MRTFA: variants seen among roughly 807,000 people sequenced by gnomAD.
MRTFA encodes myocardin related transcription factor A, also known as myocardin-related transcription factor A.
MRTFA carries 20 observed loss-of-function variants against 83.5 expected under a neutral mutation model. The observed-to-expected ratio is 0.24, with a 90% CI of 0.17 to 0.35. The LOEUF is 0.35. Among genes scored for constraint, MRTFA ranks in the 10% least tolerant of loss-of-function variants. The pLI, the probability that MRTFA is intolerant of heterozygous loss-of-function variation, is 1.00. For synonymous variants in MRTFA, 659 were observed against 541.2 expected (o/e 1.22, Z -3.02); for missense variants, 1,200 against 1,224.7 (o/e 0.98, Z 0.30).
chr22:40,482,728 T>C (rs1457781546), intron 3 of MRTFA, among the ~76,000 whole-genome samples: 1 of 152,210 alleles, frequency 6.6e-6, no homozygotes, highest in Admixed American at 6.5e-5. Flanking sequence ...TCCCTGCTGG[T>C]ATCACTGATG....
intron 3 of MRTFA, among the ~76,000 whole-genome samples, chr22:40,480,599 T>C (rs894861317): frequency 1.3e-5 from 2 of 152,138 alleles, no homozygotes; most frequent in Non-Finnish European, 2.9e-5. Context: ...AATGCTTATG[T>C]TCTAATTCCA....
chr22:40,446,446 A>AACTGTGTTCTGTCTTGGAG (rs1205716096), intron 4 of MRTFA, among the ~76,000 whole-genome samples: 2 of 152,304 alleles, frequency 1.3e-5, no homozygotes, highest in Admixed American at 6.5e-5. Context: ...GTGGGGGAGA[A>AACTGTGTTCTGTCTTGGAG]ACTGTGTTCT....
intron 3 of MRTFA, among the ~76,000 whole-genome samples, chr22:40,543,153 C>A (rs1054744462): frequency 1.3e-5 from 2 of 152,108 alleles, no homozygotes; most frequent in Admixed American, 1.3e-4. Flanking sequence ...ACTGGGCGAC[C>A]TAATCTAGAA....
intron 7 of MRTFA, 77 bp downstream of exon 7, chr22:40,429,529 A>G (rs976164717): frequency 1.7e-5 from 27 of 1,565,390 alleles, no homozygotes; most frequent in Admixed American, 1.0e-4. Flanking sequence ...CCTCAGCCCA[A>G]TTCTGCTTCA....
chr22:40,568,954 G>A (rs762141478), intron 2 of MRTFA, among the ~76,000 whole-genome samples: 26 of 152,024 alleles, frequency 1.7e-4, no homozygotes, highest in Non-Finnish European at 3.7e-4. Flanking sequence ...AATTAATCAA[G>A]GAGAAAGGAA....
rs748825060 is a variant in MRTFA, at chr22:40,435,529, A to G, written c.333T>C (p.His111=). The G allele has an allele frequency of 1.2e-6, 2 of 1,614,240 alleles. No homozygotes were observed. The highest frequency in any genetic ancestry group is 1.7e-6 in the Non-Finnish European group (2 of 1,180,040). The change falls in exon 5 of 15, where the codon CAT becomes CAC. Residue 111 remains histidine, a synonymous_variant. Coordinates refer to ENST00000355630, the MANE Select transcript of MRTFA (RefSeq NM_020831.6). ...CCCGCTCCAAGCTCCTTCTCTGCTC[A>G]TGAAATGCGGCTGGACTTTTCAAAG...
At chr22:40,528,737 C>CAAAAA (rs11321951) in intron 3 of MRTFA, among the ~76,000 whole-genome samples, 16 of 116,602 alleles carry the variant, frequency 1.4e-4, no homozygotes, top group African/African-American at 4.9e-4. Flanking sequence ...AACTCTGCTT[C>CAAAAA]AAAAAAAAAA....
At chr22:40,633,182 G>C (rs1293063277) in intron 1 of MRTFA, among the ~76,000 whole-genome samples, 6 of 152,106 alleles carry the variant, frequency 3.9e-5, no homozygotes, top group Non-Finnish European at 8.8e-5. Context: ...TCTTATGTTT[G>C]TCAATTGCAA....
rs754730237 is a variant in MRTFA, at chr22:40,410,784, C to G, written c.*606G>C. On this transcript the variant is annotated 3_prime_UTR_variant, in exon 15 of 15. Transcript: ENST00000355630. ...TGCACCCATCTCCTGTCCGCCCCCC[C>G]CCAAAAATATATATGTATGTCGATA... The G allele has an allele frequency of 1.3e-5, 3 of 233,008 alleles. No homozygotes were observed. In the East Asian group the frequency reaches 1.8e-4, roughly 14 times the overall value. 14.4% of individuals were successfully genotyped at this position (233,008 alleles called of 1,614,324 possible).
intron 4 of MRTFA, among the ~76,000 whole-genome samples, chr22:40,450,609 C>T (rs981948141): frequency 1.6e-5 from 2 of 128,120 alleles, no homozygotes; most frequent in South Asian, 5.9e-4. Context: ...GCGCCTGCCA[C>T]CACAGCTGGC....
intron 3 of MRTFA, among the ~76,000 whole-genome samples, chr22:40,490,915 A>G (rs765273129): frequency 1.3e-5 from 2 of 152,224 alleles, no homozygotes; most frequent in African/African-American, 2.4e-5. Context: ...ATTTGGATAA[A>G]GCTCCTATTG....
chr22:40,487,410 C>T (rs75919947), intron 3 of MRTFA, among the ~76,000 whole-genome samples: 1 of 152,026 alleles, frequency 6.6e-6, no homozygotes, highest in Admixed American at 6.6e-5. Context: ...GTCATTATAC[C>T]CACTACTACA....
chr22:40,506,500 A>G (rs2054582563), intron 3 of MRTFA, among the ~76,000 whole-genome samples: 1 of 152,220 alleles, frequency 6.6e-6, no homozygotes, highest in Non-Finnish European at 1.5e-5. Context: ...GCTCTTTACT[A>G]TTAAGAAACT....
At chr22:40,576,670 C>T (rs149344396) in intron 2 of MRTFA, among the ~76,000 whole-genome samples, 2,452 of 152,300 alleles carry the variant, frequency 0.016, 65 homozygotes, top group African/African-American at 0.056. Context: ...AAACTTTCTA[C>T]ACCAACAGAT....
chr22:40,419,588 G>A lies in MRTFA; in HGVS notation c.1354-204C>T, dbSNP rs2052782130. The stretch of plus-strand genomic sequence containing the variant: ...ATTGTTCTCACTCTAGCAGGGGTCT[G>A]GTTAAAATGCTCCCCACCTATGCAG... On this transcript the variant is annotated intron_variant, in intron 11 of 14. Transcript: ENST00000355630. Among the ~76,000 whole-genome samples, 2 of 152,210 alleles carry A rather than the reference G, an allele frequency of 1.3e-5. 1 individual carries two copies. Among genetic ancestry groups the A allele is most frequent in the Admixed American group, 1.3e-4 (2 of 15,288 alleles).
At chr22:40,556,441 T>C (rs1473978667) in intron 2 of MRTFA, among the ~76,000 whole-genome samples, 2 of 151,810 alleles carry the variant, frequency 1.3e-5, no homozygotes, top group Non-Finnish European at 2.9e-5. Flanking sequence ...GTAATTAACA[T>C]GAGGGAGATA....
At chr22:40,628,132 CT>C (rs2056601731) in intron 1 of MRTFA, among the ~76,000 whole-genome samples, 1 of 152,150 alleles carries the variant, frequency 6.6e-6, no homozygotes, top group African/African-American at 2.4e-5. Flanking sequence ...GTAGATGCCC[CT>C]ATTACTTCCC....
intron 3 of MRTFA, among the ~76,000 whole-genome samples, chr22:40,464,069 G>A (rs997222792): frequency 2.5e-4 from 38 of 152,040 alleles, no homozygotes; most frequent in Middle Eastern, 3.4e-3. Context: ...TTGGAAGACC[G>A]AGGCGGGCGG....
At chr22:40,500,434 C>G (rs1602343655) in intron 3 of MRTFA, among the ~76,000 whole-genome samples, 1 of 115,094 alleles carries the variant, frequency 8.7e-6, no homozygotes, top group African/African-American at 3.4e-5. Flanking sequence ...TTGGGTGTTT[C>G]TCACAGAGGG....
Sources: gnomAD v4.1 joint callset for allele counts (sites outside exome capture counted in the v4.1 genomes callset) on GRCh38, gnomAD v4.1.1 for gene constraint, MANE v1.5 for transcripts, NCBI Gene and HGNC (gene_info 2026-07-23, HGNC 2026-07-21) for gene names.